The following PPARG variants were observed in gnomAD, a reference collection of about 807,000 sequenced individuals.
PPARG encodes the protein peroxisome proliferator-activated receptor gamma.
A neutral mutation model predicts 39.2 loss-of-function variants in PPARG; 17 were observed. That is an observed-to-expected ratio of 0.43 (90% confidence interval 0.30 to 0.65). The LOEUF (loss-of-function observed/expected upper bound fraction) is 0.65. PPARG is among the 30% of genes least tolerant of loss of function. PPARG has a pLI of 0.13. For synonymous variants in PPARG, 223 were observed against 215.7 expected (o/e 1.03, Z -0.30); for missense variants, 406 against 585.9 (o/e 0.69, Z 3.17).
chr3:12,294,989 T>G (rs1251146111), intron 1 of PPARG, among the ~76,000 whole-genome samples: 1 of 152,184 alleles, frequency 6.6e-6, no homozygotes, highest in Non-Finnish European at 1.5e-5. Context: ...AGAAACTTAG[T>G]AGCCACCTCA....
chr3:12,410,146 C>A (rs1300442212), intron 6 of PPARG, among the ~76,000 whole-genome samples: 1 of 152,190 alleles, frequency 6.6e-6, no homozygotes, highest in Non-Finnish European at 1.5e-5. Context: ...ACCTTTCAAC[C>A]GCCCTCAATA....
At chr3:12,419,525 C>T (rs933972112) in intron 7 of PPARG, among the ~76,000 whole-genome samples, 1 of 151,506 alleles carries the variant, frequency 6.6e-6, no homozygotes, top group Non-Finnish European at 1.5e-5. Flanking sequence ...TGCAGTGGTG[C>T]GATCTCGGCT....
At chr3:12,424,673 G>GCAT (rs2051377194) in intron 7 of PPARG, among the ~76,000 whole-genome samples, 1 of 152,144 alleles carries the variant, frequency 6.6e-6, no homozygotes, top group African/African-American at 2.4e-5. Flanking sequence ...GGTAGTGAAG[G>GCAT]CATCACTCAG....
At chr3:12,308,687 AATCAG>A (rs1218822535) in intron 1 of PPARG, among the ~76,000 whole-genome samples, 2 of 152,204 alleles carry the variant, frequency 1.3e-5, no homozygotes, top group Admixed American at 6.5e-5. Flanking sequence ...GCTGCTTTTA[AATCAG>A]TCATGGTGGG....
At chr3:12,292,661 A>T (rs1339610239) in intron 1 of PPARG, among the ~76,000 whole-genome samples, 1 of 152,226 alleles carries the variant, frequency 6.6e-6, no homozygotes, top group East Asian at 1.9e-4. Context: ...AATTGTTGAT[A>T]CATATTGTTG....
chr3:12,383,141 C>T (rs1489246031), intron 4 of PPARG, among the ~76,000 whole-genome samples: 1 of 152,156 alleles, frequency 6.6e-6, no homozygotes, highest in Admixed American at 6.5e-5. Flanking sequence ...CAGTCACATA[C>T]ACATTGTATC....
intron 2 of PPARG, among the ~76,000 whole-genome samples, chr3:12,355,986 A>C (rs1024391057): frequency 6.6e-6 from 1 of 152,216 alleles, no homozygotes; most frequent in Non-Finnish European, 1.5e-5. Context: ...CGTTAGGTAC[A>C]TATTCCTTGA....
intron 1 of PPARG, among the ~76,000 whole-genome samples, chr3:12,294,840 C>T (rs2046737590): frequency 6.6e-6 from 1 of 152,102 alleles, no homozygotes; most frequent in Non-Finnish European, 1.5e-5. Flanking sequence ...TTGCAGTGAG[C>T]CGAGATCACG....
At position 12,433,901 on chromosome 3, in the gene PPARG, G is replaced by A. The variant is rs2051760352; in HGVS notation, c.1184G>A (p.Arg395His). The change falls in exon 8 of 8, where the codon CGC (arginine) becomes CAC (histidine). Residue 395 changes from arginine to histidine, a missense_variant. Transcript: ENST00000651735. ...FIAVIILSGD[R>H]PGLLNVKPIE... ...TTTTCCATATGTGCTTCCCCAGACC[G>A]CCCAGGTTTGCTGAATGTGAAGCCC... 1.2e-6 allele frequency: 2 copies of A among 1,613,938 alleles called. No homozygotes were observed. The highest frequency in any genetic ancestry group is 1.7e-6 in the Non-Finnish European group (2 of 1,180,010).
intron 7 of PPARG, among the ~76,000 whole-genome samples, chr3:12,423,121 G>A (rs911887860): frequency 1.3e-5 from 2 of 152,150 alleles, no homozygotes; most frequent in South Asian, 4.1e-4. Flanking sequence ...ACTGTTTGCA[G>A]AACTCCCCAC....
intron 1 of PPARG, among the ~76,000 whole-genome samples, chr3:12,293,605 T>C (rs1008285044): frequency 2.0e-5 from 3 of 152,202 alleles, no homozygotes; most frequent in Non-Finnish European, 4.4e-5. Context: ...ATGATTACTG[T>C]GTATAGTCTT....
chr3:12,310,151 G>A (rs1423127097), intron 1 of PPARG, among the ~76,000 whole-genome samples: 2 of 152,224 alleles, frequency 1.3e-5, no homozygotes, highest in South Asian at 4.2e-4. Flanking sequence ...AGCAGGAGGG[G>A]GTCTGGGGGA....
At chr3:12,417,739 A>G (rs2051111059) in intron 7 of PPARG, among the ~76,000 whole-genome samples, 1 of 152,148 alleles carries the variant, frequency 6.6e-6, no homozygotes, top group African/African-American at 2.4e-5. Context: ...GTGATTAAGA[A>G]TGCAATGTGA....
At chr3:12,299,682 C>T (rs1438034416) in intron 1 of PPARG, among the ~76,000 whole-genome samples, 5 of 152,136 alleles carry the variant, frequency 3.3e-5, no homozygotes, top group Middle Eastern at 3.4e-3. Flanking sequence ...AAGTGGTTAA[C>T]TATTCAAGTG....
rs748808980 is a variant in PPARG, at chr3:12,392,632, A to G, written c.409A>G (p.Ile137Val). 1.2e-6 allele frequency: 2 copies of G among 1,613,924 alleles called. No individual in the cohort carries two copies. The highest frequency in any genetic ancestry group is 1.1e-5 in the South Asian group (1 of 91,082). The change falls in exon 5 of 8, where the codon ATC becomes GTC. Residue 137 changes from isoleucine to valine, a missense_variant. Ile to Val is a conservative substitution (Grantham distance 29, BLOSUM62 3). Coordinates refer to ENST00000651735, the MANE Select transcript of PPARG (RefSeq NM_138711.6). ...TTTGCAGGGTTTCTTCCGGAGAACAATCAGATTGAAGCTTATCTATGACAG... is the reference window on the plus strand; with the variant it reads ...TTTGCAGGGTTTCTTCCGGAGAACAGTCAGATTGAAGCTTATCTATGACAG... ...EGCKGFFRRT[I>V]RLKLIYDRCD...
chr3:12,396,170 G>A (rs2050250935), intron 5 of PPARG, among the ~76,000 whole-genome samples: 1 of 151,730 alleles, frequency 6.6e-6, no homozygotes, highest in South Asian at 2.1e-4. Flanking sequence ...CGCCCAGTCT[G>A]GAGTACAATG....
In PPARG at chr3:12,392,683, A is replaced by G. The variant is rs1575106051; in HGVS notation, c.460A>G (p.Lys154Glu). 6.2e-7 allele frequency: 1 copy of G among 1,613,750 alleles called. No homozygotes were observed. Among genetic ancestry groups the G allele is most frequent in the East Asian group, 2.2e-5 (1 of 44,854 alleles). ...DRCDLNCRIH[K>E]KSRNKCQYCR... ...ATGTGATCTTAACTGTCGGATCCAC[A>G]AAAAAAGTAGAAATAAATGTCAGTA... The change falls in exon 5 of 8, where the codon AAA (lysine) becomes GAA (glutamate). Residue 154 changes from lysine to glutamate, a missense_variant. Physicochemically the swap from Lys to Glu is moderately conservative, Grantham distance 56 (BLOSUM62 1). This residue lies in a region of PPARG where 275 missense variants were observed against 458.0 expected (regional missense o/e 0.60). Coordinates refer to ENST00000651735, the MANE Select transcript of PPARG (RefSeq NM_138711.6).
chr3:12,397,247 C>G (rs1008416521), intron 5 of PPARG, among the ~76,000 whole-genome samples: 1 of 151,698 alleles, frequency 6.6e-6, no homozygotes, highest in Middle Eastern at 3.4e-3. Flanking sequence ...AAAGATTTCA[C>G]AAATTTTTGT....
intron 2 of PPARG, among the ~76,000 whole-genome samples, chr3:12,319,047 A>G (rs111698017): frequency 0.016 from 2,387 of 152,344 alleles, 24 homozygotes; most frequent in Non-Finnish European, 0.024. Flanking sequence ...GGCTGGGACA[A>G]GAAACAATTA....
Sources: gnomAD v4.1 joint callset for allele counts (sites outside exome capture counted in the v4.1 genomes callset) on GRCh38, gnomAD v4.1.1 for gene constraint, gnomAD v4.1.1 regional missense constraint, MANE v1.5 for transcripts, NCBI Gene and HGNC (gene_info 2026-07-23, HGNC 2026-07-21) for gene names.